KCNIP1: variants seen among roughly 807,000 people sequenced by gnomAD.
KCNIP1 encodes potassium voltage-gated channel interacting protein 1.
In KCNIP1, 18 loss-of-function variants were observed where a neutral mutation model predicts 33.0. That is an observed-to-expected ratio of 0.55 (90% CI 0.38 to 0.81). The LOEUF (loss-of-function observed/expected upper bound fraction) is 0.81. Ranked by LOEUF, KCNIP1 falls within the 30% of genes least tolerant of loss-of-function variation. The pLI, the probability that KCNIP1 is intolerant of heterozygous loss-of-function variation, is 0.00. For missense variants in KCNIP1, 238 were observed against 271.6 expected (o/e 0.88, Z 0.87); for synonymous variants, 93 against 98.3 (o/e 0.95, Z 0.32).
intron 1 of KCNIP1, among the ~76,000 whole-genome samples, chr5:170,524,350 G>C (rs1291952295): frequency 6.6e-6 from 1 of 152,170 alleles, no homozygotes; most frequent in Non-Finnish European, 1.5e-5. Flanking sequence ...CCAAGCCTGA[G>C]CATACATGTG....
chr5:170,708,822 C>A (rs1763349659), intron 1 of KCNIP1, among the ~76,000 whole-genome samples: 1 of 152,296 alleles, frequency 6.6e-6, no homozygotes, highest in Middle Eastern at 3.4e-3. Context: ...TTGCTTGAGC[C>A]TGGGAGGCAG....
chr5:170,603,321 C>T (rs774327691), intron 1 of KCNIP1, among the ~76,000 whole-genome samples: 6 of 152,132 alleles, frequency 3.9e-5, no homozygotes, highest in African/African-American at 9.7e-5. Flanking sequence ...ACACCTCTGG[C>T]GGGGAGGAGG....
chr5:170,382,202 T>A (rs996691265), intron 1 of KCNIP1, among the ~76,000 whole-genome samples: 13 of 152,146 alleles, frequency 8.5e-5, no homozygotes, highest in Non-Finnish European at 1.9e-4. Context: ...ACTCTGAAAC[T>A]CTGATCATGC....
At chr5:170,396,306 G>A (rs1170700857) in intron 1 of KCNIP1, among the ~76,000 whole-genome samples, 1 of 152,156 alleles carries the variant, frequency 6.6e-6, no homozygotes, top group Non-Finnish European at 1.5e-5. Context: ...AGACCCTCAG[G>A]GAAGGAACTG....
intron 1 of KCNIP1, among the ~76,000 whole-genome samples, chr5:170,682,784 C>CTTTTTTTTTTTCTTTTTTTTT (rs1762397142): frequency 1.4e-5 from 1 of 71,404 alleles, no homozygotes; most frequent in Admixed American, 2.3e-4. Flanking sequence ...TTCTTTGTTT[C>CTTTTTTTTTTTCTTTTTTTTT]TTTTTTTTTT....
intron 1 of KCNIP1, among the ~76,000 whole-genome samples, chr5:170,479,719 T>C (rs906981564): frequency 6.6e-6 from 1 of 152,214 alleles, no homozygotes; most frequent in Non-Finnish European, 1.5e-5. Flanking sequence ...CTGTGATGCA[T>C]TGGTAGGATA....
chr5:170,682,784 C>CTTTTTTTTTTATTTTTTT (rs1762396898), intron 1 of KCNIP1, among the ~76,000 whole-genome samples: 1 of 71,404 alleles, frequency 1.4e-5, no homozygotes, highest in Non-Finnish European at 2.4e-5. Flanking sequence ...TTCTTTGTTT[C>CTTTTTTTTTTATTTTTTT]TTTTTTTTTT....
chr5:170,522,908 G>A (rs564127919), intron 1 of KCNIP1, among the ~76,000 whole-genome samples: 1 of 152,338 alleles, frequency 6.6e-6, no homozygotes, highest in South Asian at 2.1e-4. Flanking sequence ...TTGGAACAAA[G>A]GAATCTTGGC....
In KCNIP1 at chr5:170,529,687, A is replaced by G. The variant is rs757743179; in HGVS notation, c.61+25054A>G. Among the ~76,000 whole-genome samples, 27 of 152,206 alleles carry G rather than the reference A, an allele frequency of 1.8e-4. 1 individual carries two copies. The highest frequency in any genetic ancestry group is 8.3e-4 in the South Asian group (4 of 4,808). On this transcript the variant is annotated intron_variant, in intron 1 of 7. Coordinates refer to ENST00000328939, the MANE Select transcript of KCNIP1 (RefSeq NM_014592.4). ...TCATTGTACATGGACCTTCTTCTGA[A>G]CCTCTGAGATTGGTTCTGTTATCTT...
intron 1 of KCNIP1, among the ~76,000 whole-genome samples, chr5:170,453,167 T>C (rs937683064): frequency 1.3e-5 from 2 of 152,226 alleles, no homozygotes; most frequent in Non-Finnish European, 1.5e-5. Context: ...TGAAAGAACA[T>C]TAGAAATGAT....
upstream of KCNIP1, among the ~76,000 whole-genome samples, chr5:170,499,646 G>A (rs1030900220): frequency 1.3e-5 from 2 of 152,210 alleles, no homozygotes; most frequent in African/African-American, 2.4e-5. Context: ...CCATAAGGAT[G>A]AGAAGAAACA....
At chr5:170,405,429 C>T (rs1755010239) in intron 1 of KCNIP1, among the ~76,000 whole-genome samples, 1 of 152,178 alleles carries the variant, frequency 6.6e-6, no homozygotes, top group Admixed American at 6.5e-5. Flanking sequence ...GTCTTGAATT[C>T]TTGACCTCAG....
intron 1 of KCNIP1, among the ~76,000 whole-genome samples, chr5:170,531,470 G>A (rs990303512): frequency 2.6e-5 from 4 of 152,168 alleles, no homozygotes; most frequent in African/African-American, 9.7e-5. Flanking sequence ...CAAGACAGAA[G>A]TGCCTACTTC....
At chr5:170,488,635 C>A (rs1013729904) in intron 1 of KCNIP1, among the ~76,000 whole-genome samples, 6 of 152,202 alleles carry the variant, frequency 3.9e-5, no homozygotes, top group South Asian at 2.1e-4. Context: ...CTCCGAGAAG[C>A]AAGCAGGCAC....
At chr5:170,574,168 T>C (rs1757516932) in intron 1 of KCNIP1, among the ~76,000 whole-genome samples, 1 of 152,234 alleles carries the variant, frequency 6.6e-6, no homozygotes, top group South Asian at 2.1e-4. Flanking sequence ...CACATTATTG[T>C]CTACAGGTTC....
intron 1 of KCNIP1, among the ~76,000 whole-genome samples, chr5:170,427,541 G>A (rs1407169551): frequency 6.6e-6 from 1 of 152,164 alleles, no homozygotes; most frequent in East Asian, 1.9e-4. Context: ...AGCACAGCCT[G>A]CCATGGGGAA....
At chr5:170,482,455 C>T (rs777570602) in intron 1 of KCNIP1, among the ~76,000 whole-genome samples, 3 of 152,186 alleles carry the variant, frequency 2.0e-5, no homozygotes, top group Non-Finnish European at 4.4e-5. Flanking sequence ...TCATAAAACC[C>T]TTACAACAGC....
upstream of KCNIP1, among the ~76,000 whole-genome samples, chr5:170,501,517 T>C (rs1053824729): frequency 6.6e-6 from 1 of 152,198 alleles, no homozygotes; most frequent in African/African-American, 2.4e-5. Context: ...AGGCAGCCAA[T>C]TGCAAACACG....
chr5:170,700,877 T>G (rs1274227519), intron 1 of KCNIP1, among the ~76,000 whole-genome samples: 1 of 152,206 alleles, frequency 6.6e-6, no homozygotes, highest in Middle Eastern at 3.2e-3. Context: ...CAGAAATTGT[T>G]GGTGACAAGC....
Sources: gnomAD v4.1 joint callset for allele counts (sites outside exome capture counted in the v4.1 genomes callset) on GRCh38, gnomAD v4.1.1 for gene constraint, MANE v1.5 for transcripts, NCBI Gene and HGNC (gene_info 2026-07-23, HGNC 2026-07-21) for gene names.